Variants in C10orf90 observed in about 807,000 individuals in gnomAD.
C10orf90 encodes the protein chromosome 10 open reading frame 90.
In C10orf90, 56 loss-of-function variants were observed where a neutral mutation model predicts 62.5. That is an observed-to-expected ratio of 0.90 (90% confidence interval 0.72 to 1.12). C10orf90 has a LOEUF of 1.12. Ranked by LOEUF, C10orf90 falls within the 50% of genes most tolerant of loss-of-function variation. The probability of loss-of-function intolerance (pLI) is 0.00; values close to 1 mark genes in which losing one functional copy is unlikely to be tolerated. For synonymous variants in C10orf90, 386 were observed against 340.4 expected, an observed-to-expected ratio of 1.13 and a Z score of -1.47; for missense variants, 970 against 880.4, an observed-to-expected ratio of 1.10 and a Z score of -1.29.
At chr10:126,575,770 A>T (rs1225132586) in intron 2 of C10orf90, among the ~76,000 whole-genome samples, 1 of 152,096 alleles carries the variant, frequency 6.6e-6, no homozygotes, top group Non-Finnish European at 1.5e-5. Flanking sequence ...CCAGAAATTA[A>T]TCTACATATC....
rs1857245895 is a variant in C10orf90, at chr10:126,426,074, G to T, written c.2269C>A (p.Pro757Thr). 1 of 1,613,716 alleles carries T rather than the reference G, an allele frequency of 6.2e-7. No homozygotes were observed. The change falls in exon 9 of 10, where the codon CCG becomes ACG. Residue 757 changes from proline (P) to threonine (T), a missense_variant. Coordinates refer to ENST00000488181, the MANE Select transcript of C10orf90 (RefSeq NM_001350921.2). ...TCTTCTTTTTTCTTTTTAACTTCCG[G>T]CAAGTTATCATAGATTCTGAAACAG... ...MRSKRIYDNL[P>T]EVKKKKEEQR...
At chr10:126,514,579 A>G (rs1427052436) in intron 2 of C10orf90, among the ~76,000 whole-genome samples, 1 of 152,162 alleles carries the variant, frequency 6.6e-6, no homozygotes, top group African/African-American at 2.4e-5. Flanking sequence ...GGATGCCCCA[A>G]ACACTGGCTT....
In C10orf90 at chr10:126,504,714, A is replaced by G. The variant is rs1862613250; in HGVS notation, c.777T>C (p.Ser259=). ...CCTCAGCCCTGCACTTGGGGCACAGAGAGTCCCCAGCAGTCCCCCACACCA... is the reference window on the plus strand; with the variant it reads ...CCTCAGCCCTGCACTTGGGGCACAGGGAGTCCCCAGCAGTCCCCCACACCA... The part of the protein sequence containing the change: ...RALVWGTAGD[S]LCPKCRAEDT... The change falls in exon 4 of 10, where the codon TCT becomes TCC. Residue 259 remains serine, a synonymous_variant. Transcript: ENST00000488181. This position sits in a 1 kb window ranked among gnomAD's most constrained non-coding sequence, Gnocchi z 4.1. 1 of 1,610,050 alleles carries G rather than the reference A, an allele frequency of 6.2e-7. No homozygotes were observed. Among genetic ancestry groups the G allele is most frequent in the Middle Eastern group, 1.7e-4 (1 of 6,042 alleles).
At chr10:126,518,555 A>C (rs1379012746) in intron 2 of C10orf90, among the ~76,000 whole-genome samples, 1 of 152,162 alleles carries the variant, frequency 6.6e-6, no homozygotes, top group Non-Finnish European at 1.5e-5. Context: ...CATAGAAAAA[A>C]AAAACAAACA....
chr10:126,457,596 G>C (rs975278826), intron 7 of C10orf90, among the ~76,000 whole-genome samples: 2 of 152,150 alleles, frequency 1.3e-5, no homozygotes, highest in South Asian at 4.1e-4. Context: ...GCTCTAAAGT[G>C]GCATCATTCT....
At chr10:126,542,201 A>G (rs1864390233) in intron 2 of C10orf90, among the ~76,000 whole-genome samples, 2 of 152,088 alleles carry the variant, frequency 1.3e-5, no homozygotes, top group Non-Finnish European at 2.9e-5. Flanking sequence ...CTGCTTAGTG[A>G]GTATGAGGTT....
At chr10:126,496,685 C>T in intron 4 of C10orf90, 1 of 985,386 alleles carries the variant, frequency 1.0e-6, no homozygotes, top group Non-Finnish European at 1.2e-6. Context: ...TTCATCGCTC[C>T]TCACCCTTTC....
rs10573171 is a variant in C10orf90, at chr10:126,466,371, A to AAC, written c.1535-1387_1535-1386dup. Among the ~76,000 whole-genome samples the AAC allele has an allele frequency of 5.9e-3, 879 of 150,118 alleles. 8 individuals carry two copies. The highest frequency in any genetic ancestry group is 0.017 in the African/African-American group (715 of 40,932). On this transcript the variant is annotated intron_variant, in intron 4 of 9. Transcript: ENST00000488181. Reference sequence around the variant, plus strand: ...TACTAAAAACACACACACACACACAAACACACACACACACACACACAAAAG... The same window carrying AAC: ...TACTAAAAACACACACACACACACAAACACACACACACACACACACACAAAAG...
intron 2 of C10orf90, among the ~76,000 whole-genome samples, chr10:126,618,627 C>T (rs1348538378): frequency 1.3e-5 from 2 of 152,038 alleles, no homozygotes; most frequent in African/African-American, 4.8e-5. Context: ...GTCAAATGAC[C>T]TCAGTTCCTT....
Position 126,565,028 on chromosome 10 carries a change from T to TAAAATATAAAATATATATTA in C10orf90, c.314-51090_314-51089insTAATATATATTTTATATTTT, listed in dbSNP as rs1426096709. Among the ~76,000 whole-genome samples the TAAAATATAAAATATATATTA allele has an allele frequency of 2.5e-3, 23 of 9,082 alleles. 10 individuals are homozygous for TAAAATATAAAATATATATTA. The highest frequency in any genetic ancestry group is 4.3e-3 in the Non-Finnish European group (21 of 4,852). 6.0% of individuals were successfully genotyped at this position (9,082 alleles called of 152,430 possible). A position where few individuals can be genotyped will look rare whatever the true frequency, so the allele number is the denominator to read the frequency against. On this transcript the variant is annotated intron_variant, in intron 2 of 9. Coordinates refer to ENST00000488181, the MANE Select transcript of C10orf90 (RefSeq NM_001350921.2). ...TAATATATATAATATATATTATATA[T>TAAAATATAAAATATATATTA]TATATAAAATATATAATATATAATA...
intron 7 of C10orf90, among the ~76,000 whole-genome samples, chr10:126,445,994 G>A (rs567167776): frequency 1.7e-3 from 259 of 151,818 alleles, no homozygotes; most frequent in African/African-American, 5.8e-3. Context: ...ATGGGCTTTG[G>A]GGTCTCAGGG....
intron 3 of C10orf90, 141 bp downstream of exon 3, chr10:126,513,707 G>A: frequency 1.7e-6 from 1 of 585,854 alleles, no homozygotes; most frequent in South Asian, 2.2e-5. Context: ...TAAATCTATA[G>A]CACGGTTAGA....
chr10:126,549,465 C>G (rs1398837489), intron 2 of C10orf90, among the ~76,000 whole-genome samples: 1 of 152,128 alleles, frequency 6.6e-6, no homozygotes, highest in African/African-American at 2.4e-5. Context: ...CAATGAGATA[C>G]CACCACATAC....
chr10:126,492,631 C>T (rs980236792), intron 4 of C10orf90, among the ~76,000 whole-genome samples: 3 of 152,032 alleles, frequency 2.0e-5, no homozygotes, highest in Admixed American at 6.6e-5. Flanking sequence ...ATAGAGGTGA[C>T]CTACAAAAGA....
intron 2 of C10orf90, among the ~76,000 whole-genome samples, chr10:126,637,577 G>A (rs968943048): frequency 9.2e-5 from 14 of 152,214 alleles, no homozygotes; most frequent in Admixed American, 5.9e-4. Flanking sequence ...GGACACCACC[G>A]ATTGGTCATG....
intron 1 of C10orf90, among the ~76,000 whole-genome samples, chr10:126,646,905 G>A (rs1846183044): frequency 6.6e-6 from 1 of 152,144 alleles, no homozygotes; most frequent in African/African-American, 2.4e-5. Context: ...AGCCAACATT[G>A]ATTTTGCCGT....
At chr10:126,435,009 T>C (rs1443920374) in intron 7 of C10orf90, among the ~76,000 whole-genome samples, 4 of 152,216 alleles carry the variant, frequency 2.6e-5, no homozygotes, top group African/African-American at 4.8e-5. Flanking sequence ...GATAAAATCT[T>C]ATGCTGGACT....
At chr10:126,579,774 G>A (rs1176308791) in intron 2 of C10orf90, among the ~76,000 whole-genome samples, 2 of 151,554 alleles carry the variant, frequency 1.3e-5, no homozygotes, top group Non-Finnish European at 2.9e-5. Context: ...AAAAAAAAGA[G>A]CTGATTCTTA....
At chr10:126,587,593 C>T (rs565098231) in intron 2 of C10orf90, among the ~76,000 whole-genome samples, 1 of 152,200 alleles carries the variant, frequency 6.6e-6, no homozygotes, top group Non-Finnish European at 1.5e-5. Context: ...TCTCCCAATG[C>T]CATCACATTG....
Sources: allele counts gnomAD v4.1 joint callset (sites outside exome capture counted in the v4.1 genomes callset), GRCh38; gene constraint gnomAD v4.1.1; non-coding constraint Gnocchi (gnomAD v3.1); transcripts MANE v1.5; gene names NCBI Gene and HGNC (gene_info 2026-07-23, HGNC 2026-07-21).